TBC1D9B: variants seen among roughly 807,000 people sequenced by gnomAD.
TBC1D9B encodes the protein TBC1 domain family, member 9B (with GRAM domain).
A neutral mutation model predicts 121.1 loss-of-function variants in TBC1D9B; 87 were observed. The observed-to-expected ratio is 0.72, with a 90% CI of 0.60 to 0.86. The LOEUF (loss-of-function observed/expected upper bound fraction) is 0.86, where lower values mean the gene tolerates loss of function less well. TBC1D9B is among the 40% of genes least tolerant of loss of function. The pLI is 0.00. For synonymous variants in TBC1D9B, 668 were observed against 670.1 expected (o/e 1.00, Z 0.05); for missense variants, 1,540 against 1,628.6 (o/e 0.95, Z 0.94).
chr5:179,881,103 G>T (rs987936394), intron 7 of TBC1D9B, among the ~76,000 whole-genome samples: 12 of 152,238 alleles, frequency 7.9e-5, no homozygotes, highest in Admixed American at 6.5e-4. Flanking sequence ...CAGCCAACGT[G>T]TGCTCCTGGC....
At chr5:179,871,622 G>A in intron 14 of TBC1D9B, 92 bp from the exon 15 acceptor site, 1 of 1,421,510 alleles carries the variant, frequency 7.0e-7, no homozygotes. Context: ...GGCAGACAAG[G>A]GCAAGGGTGT....
chr5:179,899,275 C>T lies in TBC1D9B; in HGVS notation c.262G>A (p.Glu88Lys). 1 of 1,613,796 alleles carries T rather than the reference C, an allele frequency of 6.2e-7. No homozygotes were observed. Among genetic ancestry groups the T allele is most frequent in the Non-Finnish European group, 8.5e-7 (1 of 1,179,928 alleles). The change falls in exon 3 of 21, where the codon GAA becomes AAA. Residue 88 changes from glutamate (E) to lysine (K), a missense_variant. Glu to Lys is a moderately conservative substitution (Grantham distance 56). Transcript: ENST00000355235. The part of the protein sequence containing the change: ...SSRKEITKHW[E>K]WLENNLLQTL... ...TGGAGCAAGTTATTTTCCAGCCATTCCCAGTGTTTTGTGATCTCTTTGCGG... is the reference window on the plus strand; with the variant it reads ...TGGAGCAAGTTATTTTCCAGCCATTTCCAGTGTTTTGTGATCTCTTTGCGG...
rs1404633379 is a variant in TBC1D9B at position 179,870,282 on chromosome 5, T to C, written c.2698A>G (p.Asn900Asp). Residue 900 changes from asparagine (N) to aspartate (D), a missense_variant, in exon 16 of 21, where the codon AAC becomes GAC. Physicochemically the swap from Asn to Asp is conservative, Grantham distance 23 (BLOSUM62 1). Coordinates refer to ENST00000355235, the MANE Select transcript of TBC1D9B (RefSeq NM_015043.4). ...LLDENKDSLI[N>D]FKEFVTGMSG... The stretch of plus-strand genomic sequence containing the variant: ...ATCCCTGTCACGAACTCCTTGAAGT[T>C]GATCAGCGAGTCCTTGTTTTCGTCC... 3 of 1,613,900 alleles carry C rather than the reference T, an allele frequency of 1.9e-6. No homozygotes were observed. The highest frequency in any genetic ancestry group is 3.3e-5 in the Admixed American group (2 of 60,020).
In TBC1D9B at chr5:179,863,648, T is replaced by A. The variant is rs1759914518; in HGVS notation, c.3502A>T (p.Thr1168Ser). The A allele has an allele frequency of 1.2e-6, 2 of 1,613,706 alleles. No homozygotes were observed. Among genetic ancestry groups the A allele is most frequent in the East Asian group, 2.2e-5 (1 of 44,898 alleles). ...VLVGGEACSPTARIGGTVDTD... is the reference protein window; with the variant it reads ...VLVGGEACSPSARIGGTVDTD... ...TCGACGGTGCCGCCGATGCGCGCTG[T>A]GGGGCTGCAGGCCTCCCCGCCCACC... Residue 1168 changes from threonine to serine, a missense_variant, in exon 21 of 21, where the codon ACA becomes TCA. Physicochemically the swap from Thr to Ser is moderately conservative, Grantham distance 58 (BLOSUM62 1). Transcript: ENST00000355235. This position sits in a 1 kb window ranked among gnomAD's most constrained non-coding sequence, Gnocchi z 4.5.
intron 7 of TBC1D9B, 31 bp from the exon 8 acceptor site, chr5:179,879,820 TAAC>T: frequency 1.3e-6 from 2 of 1,577,084 alleles, no homozygotes; most frequent in Non-Finnish European, 1.7e-6. Flanking sequence ...GGGGACGCCC[TAAC>T]AACTGTGCTG....
chr5:179,879,812 G>A (rs1380532747), intron 7 of TBC1D9B, 23 bp from the exon 8 acceptor site: 2 of 1,591,172 alleles, frequency 1.3e-6, no homozygotes, highest in Admixed American at 3.5e-5. Context: ...ACAGGGAAGG[G>A]GACGCCCTAA....
intron 3 of TBC1D9B, among the ~76,000 whole-genome samples, chr5:179,896,132 C>T (rs1400141088): frequency 6.6e-6 from 1 of 152,204 alleles, no homozygotes; most frequent in African/African-American, 2.4e-5. Flanking sequence ...TTCGTCTGTC[C>T]TGTTATTGTT....
intron 6 of TBC1D9B, among the ~76,000 whole-genome samples, chr5:179,889,717 T>TA (rs1272251671): frequency 2.0e-5 from 3 of 150,372 alleles, no homozygotes; most frequent in African/African-American, 2.5e-5. Flanking sequence ...GTTAAAAATT[T>TA]AAAAAAAACA....
At position 179,869,745 on chromosome 5, in the gene TBC1D9B, G is replaced by A. The variant is rs746003775; in HGVS notation, c.2791+24C>T. The A allele has an allele frequency of 9.3e-6, 15 of 1,611,352 alleles. No homozygotes were observed. In the African/African-American group the frequency reaches 1.7e-4, roughly 19 times the overall value. ...TCTGGACAAGTGGGAGACCCTGGCT[G>A]GGGAGTGGGCAGGAGGCTCTCACCT... On this transcript the variant is annotated intron_variant, in intron 17 of 20. Transcript: ENST00000355235.
intron 14 of TBC1D9B, 34 bp downstream of exon 14, chr5:179,872,858 C>G (rs756901033): frequency 1.9e-6 from 3 of 1,540,138 alleles, no homozygotes; most frequent in South Asian, 2.3e-5. Context: ...GCCCCCCCAG[C>G]CCAGCCCCTG....
chr5:179,873,327 G>A, intron 12 of TBC1D9B, 79 bp from the exon 13 acceptor site: 1 of 1,470,276 alleles, frequency 6.8e-7, no homozygotes. Context: ...TGATGCGGAG[G>A]GACCCAATCT....
In TBC1D9B at chr5:179,878,384, G is replaced by A. The variant is rs754385724; in HGVS notation, c.1707C>T (p.Asn569=). The A allele has an allele frequency of 7.4e-6, 12 of 1,614,014 alleles. No individual in the cohort carries two copies. The highest frequency in any genetic ancestry group is 8.5e-6 in the Non-Finnish European group (10 of 1,179,990). The stretch of plus-strand genomic sequence containing the variant: ...GCCGGAGGGCAGCAATCCCCAGCTC[G>A]TTCTGGAAGGCAGGGTGCTCGGGCA... ...RSMPEHPAFQ[N]ELGIAALRRV... is the part of the protein sequence containing the mutation. The change falls in exon 10 of 21, where the codon AAC becomes AAT. Residue 569 remains asparagine, a synonymous_variant. Coordinates refer to ENST00000355235, the MANE Select transcript of TBC1D9B (RefSeq NM_015043.4).
intron 15 of TBC1D9B, 112 bp from the exon 16 acceptor site, chr5:179,870,607 G>A: frequency 6.9e-7 from 1 of 1,441,784 alleles, no homozygotes. Context: ...GCGGAGCCCT[G>A]GGGCGGTAAG....
rs1283409675 is a variant in TBC1D9B at position 179,863,193 on chromosome 5, C to T, written c.*255G>A. 3.9e-6 allele frequency: 2 copies of T among 518,238 alleles called. No individual in the cohort carries two copies. The highest frequency in any genetic ancestry group is 6.5e-5 in the East Asian group (2 of 30,682). The allele number at this position is 518,238 out of a possible 1,614,324, so 32.1% of individuals were successfully genotyped here. A position where few individuals can be genotyped will look rare whatever the true frequency, so the allele number is the denominator to read the frequency against. ...GTGCAGCTGGTGCGAGGCGGGCTCC[C>T]ACCAGGTGTAAGGAAGGTGGGAGCC... On this transcript the variant is annotated 3_prime_UTR_variant, in exon 21 of 21. Transcript: ENST00000355235. This position sits in a 1 kb window ranked among gnomAD's most constrained non-coding sequence, Gnocchi z 4.5.
chr5:179,892,931 T>C (rs1017225826), intron 5 of TBC1D9B, among the ~76,000 whole-genome samples: 1 of 152,226 alleles, frequency 6.6e-6, no homozygotes, highest in African/African-American at 2.4e-5. Context: ...TACCTAGGGA[T>C]GGTAAGAGCC....
In TBC1D9B at chr5:179,904,552, G is replaced by T; in HGVS notation, c.229+150C>A. ...GGAGCTGCCTTTCTAAGATGGAAGC[G>T]AAGGCTCCTCCACTTCCCTCTTGCA... is the stretch of plus-strand genomic sequence containing the variant. On this transcript the variant is annotated intron_variant, in intron 2 of 20. Coordinates refer to ENST00000355235, the MANE Select transcript of TBC1D9B (RefSeq NM_015043.4). This position sits in a 1 kb window ranked among gnomAD's most constrained non-coding sequence, Gnocchi z 4.2. 1 of 718,760 alleles carries T rather than the reference G, an allele frequency of 1.4e-6. No homozygotes were observed. Among genetic ancestry groups the T allele is most frequent in the Non-Finnish European group, 2.3e-6 (1 of 428,544 alleles). The allele number at this position is 718,760 out of a possible 1,614,324, so 44.5% of individuals were successfully genotyped here.
Position 179,863,804 on chromosome 5 carries a change from C to T in TBC1D9B, c.3346G>A (p.Gly1116Ser), listed in dbSNP as rs137877957. Reference sequence around the variant, plus strand: ...TGGGAGGGTGAGCCCTGTCCCTCGCCGCTGCCCCCCTCCACCACCACCTGG... The same window carrying T: ...TGGGAGGGTGAGCCCTGTCCCTCGCTGCTGCCCCCCTCCACCACCACCTGG... ...ESQVVVEGGSGEGQGSPSQLL... is the reference protein window; with the variant it reads ...ESQVVVEGGSSEGQGSPSQLL... Residue 1116 changes from glycine to serine, a missense_variant, in exon 21 of 21, where the codon GGC becomes AGC. Gly to Ser is a moderately conservative substitution (Grantham distance 56). Transcript: ENST00000355235. The surrounding 1 kb of genome is among the most constrained non-coding windows in gnomAD (Gnocchi z 4.5). 53 of 1,613,542 alleles carry T rather than the reference C, an allele frequency of 3.3e-5. No individual in the cohort carries two copies. The African/African-American group carries it at 3.6e-4, about 11-fold the overall frequency.
intron 7 of TBC1D9B, among the ~76,000 whole-genome samples, chr5:179,883,248 A>G (rs1195989558): frequency 1.3e-5 from 2 of 152,180 alleles, no homozygotes; most frequent in African/African-American, 4.8e-5. Context: ...CTAGACATTC[A>G]ATGTGTCCTT....
At chr5:179,872,855 CAGCCCAGCCCCT>C in intron 14 of TBC1D9B, 25 bp downstream of exon 14, 1 of 1,510,560 alleles carries the variant, frequency 6.6e-7, no homozygotes. Flanking sequence ...GCTGCCCCCC[CAGCCCAGCCCCT>C]GCCCAGCCCT....
Sources: allele counts gnomAD v4.1 joint callset (sites outside exome capture counted in the v4.1 genomes callset), GRCh38; gene constraint gnomAD v4.1.1; non-coding constraint Gnocchi (gnomAD v3.1); transcripts MANE v1.5; gene names NCBI Gene and HGNC (gene_info 2026-07-23, HGNC 2026-07-21).